Variants in SLC4A10 observed in about 807,000 individuals in gnomAD.
The protein encoded by SLC4A10 is sodium-driven chloride bicarbonate exchanger.
SLC4A10 carries 42 observed loss-of-function variants against 137.7 expected under a neutral mutation model. The observed-to-expected ratio is 0.30, with a 90% confidence interval of 0.24 to 0.39. The LOEUF is 0.39. Ranked by LOEUF, SLC4A10 falls within the 10% of genes least tolerant of loss-of-function variation. The pLI is 1.00. For synonymous variants in SLC4A10, 474 were observed against 464.1 expected (o/e 1.02, Z -0.27); for missense variants, 925 against 1,355.0 (o/e 0.68, Z 4.98).
chr2:161,884,086 C>A lies in SLC4A10; in HGVS notation c.1194+1642C>A, dbSNP rs181561535. On this transcript the variant is annotated intron_variant, in intron 10 of 26. Coordinates refer to ENST00000446997, the MANE Select transcript of SLC4A10 (RefSeq NM_001178015.2). ...ATGAAAAAAATAACTTAATGAGGGC[C>A]ATACACCTGATTTAGCAGAACTCTC... Among the ~76,000 whole-genome samples the A allele has an allele frequency of 5.9e-3, 893 of 152,180 alleles. 8 individuals are homozygous for A. The highest frequency in any genetic ancestry group is 0.014 in the South Asian group (66 of 4,814).
At chr2:161,976,634 CA>C (rs2105986432) in intron 24 of SLC4A10, 125 bp from the exon 25 acceptor site, 1 of 498,752 alleles carries the variant, frequency 2.0e-6, no homozygotes, top group African/African-American at 2.0e-5. Flanking sequence ...TATTTTACCA[CA>C]ATTTAAAAAT....
intron 26 of SLC4A10, among the ~76,000 whole-genome samples, chr2:161,978,694 TTC>T (rs201545687): frequency 2.6e-5 from 4 of 151,144 alleles, no homozygotes; most frequent in Admixed American, 6.6e-5. Flanking sequence ...TGGGAATTAG[TTC>T]TCTCTCTCTC....
chr2:161,903,787 G>T lies in SLC4A10; in HGVS notation c.1443-217G>T, dbSNP rs139753702. ...TGTTTAAGAGAACCTGGGATTTTTG[G>T]TGGTTGACACGATATTGGGTTAGGA... On this transcript the variant is annotated intron_variant, in intron 12 of 26. Transcript: ENST00000446997. Among the ~76,000 whole-genome samples the T allele has an allele frequency of 1.2e-3, 190 of 152,206 alleles. 1 individual carries two copies. The highest frequency in any genetic ancestry group is 4.4e-3 in the African/African-American group (183 of 41,530).
chr2:161,961,070 T>A (rs530478031), intron 21 of SLC4A10, among the ~76,000 whole-genome samples: 105 of 152,344 alleles, frequency 6.9e-4, no homozygotes, highest in Middle Eastern at 3.4e-3. Flanking sequence ...GACTTATTCA[T>A]CATATAGTAT....
At position 161,823,074 on chromosome 2, in the gene SLC4A10, G is replaced by C. The variant is rs545320693; in HGVS notation, c.278-16715G>C. On this transcript the variant is annotated intron_variant, in intron 3 of 26. Coordinates refer to ENST00000446997, the MANE Select transcript of SLC4A10 (RefSeq NM_001178015.2). Reference sequence around the variant, plus strand: ...ATAGCCTAGAAATATAAAAAAATTAGGAAAAAAGTATGTCATGAATGCATA... The same window carrying C: ...ATAGCCTAGAAATATAAAAAAATTACGAAAAAAGTATGTCATGAATGCATA... Among the ~76,000 whole-genome samples the C allele has an allele frequency of 4.6e-5, 7 of 151,918 alleles. No individual in the cohort carries two copies. The South Asian group carries it at 1.5e-3, about 31-fold the overall frequency.
At position 161,983,423 on chromosome 2, in the gene SLC4A10, G is replaced by A; in HGVS notation, c.*271G>A. 1.7e-6 allele frequency: 1 copy of A among 590,026 alleles called. No homozygotes were observed. The allele number at this position is 590,026 out of a possible 1,614,324, so 36.5% of individuals were successfully genotyped here. On this transcript the variant is annotated 3_prime_UTR_variant, in exon 27 of 27. Coordinates refer to ENST00000446997, the MANE Select transcript of SLC4A10 (RefSeq NM_001178015.2). ...AACTTCTGAGCAGTGAGACATCCCT[G>A]TGAGCAGATACAATAGCCAATGCAA...
At chr2:161,973,016 G>A (rs931398249) in intron 23 of SLC4A10, among the ~76,000 whole-genome samples, 1 of 152,190 alleles carries the variant, frequency 6.6e-6, no homozygotes, top group Non-Finnish European at 1.5e-5. Flanking sequence ...AAGGACACTA[G>A]GAAAAGTCTT....
chr2:161,668,001 G>A (rs1205826254), intron 1 of SLC4A10, among the ~76,000 whole-genome samples: 2 of 151,876 alleles, frequency 1.3e-5, no homozygotes, highest in Middle Eastern at 3.4e-3. Context: ...TGACTTTAAA[G>A]GTAGTTTCAG....
intron 1 of SLC4A10, among the ~76,000 whole-genome samples, chr2:161,640,616 C>CCTTT (rs2035151595): frequency 7.2e-6 from 1 of 138,384 alleles, no homozygotes; most frequent in Non-Finnish European, 1.6e-5. Context: ...TTCCTTCCTT[C>CCTTT]CTTCCTTCCT....
At chr2:161,880,018 GA>G in intron 9 of SLC4A10, among the ~76,000 whole-genome samples, 1 of 151,966 alleles carries the variant, frequency 6.6e-6, no homozygotes, top group South Asian at 2.1e-4. Flanking sequence ...AAAAAGAAAG[GA>G]AACACAGAAT....
chr2:161,687,684 A>T (rs2041582352), intron 1 of SLC4A10, among the ~76,000 whole-genome samples: 1 of 152,066 alleles, frequency 6.6e-6, no homozygotes, highest in African/African-American at 2.4e-5. Context: ...AATAATCCCA[A>T]CGTGTCAAGG....
chr2:161,961,048 A>C (rs1187846499), intron 21 of SLC4A10, among the ~76,000 whole-genome samples: 1 of 152,232 alleles, frequency 6.6e-6, no homozygotes, highest in Non-Finnish European at 1.5e-5. Flanking sequence ...TGTTCTTGAA[A>C]AAGAGACTAG....
chr2:161,975,731 G>A (rs1699280605), intron 24 of SLC4A10, among the ~76,000 whole-genome samples: 1 of 152,192 alleles, frequency 6.6e-6, no homozygotes, highest in South Asian at 2.1e-4. Context: ...CATATGAAAA[G>A]GCGGCATTTG....
intron 2 of SLC4A10, among the ~76,000 whole-genome samples, chr2:161,775,811 A>G (rs1219932225): frequency 1.3e-5 from 2 of 151,784 alleles, no homozygotes; most frequent in Non-Finnish European, 2.9e-5. Flanking sequence ...ACGTATGAAC[A>G]TTGTTGTATC....
chr2:161,717,291 C>T (rs1489599788), intron 1 of SLC4A10, among the ~76,000 whole-genome samples: 2 of 152,154 alleles, frequency 1.3e-5, no homozygotes, highest in African/African-American at 4.8e-5. Flanking sequence ...TTATTTATTT[C>T]TCTTTGCCTG....
chr2:161,924,783 G>T (rs1160369655), intron 15 of SLC4A10, among the ~76,000 whole-genome samples: 1 of 152,142 alleles, frequency 6.6e-6, no homozygotes. Flanking sequence ...ACACTACCAG[G>T]AATGGAGTAA....
intron 26 of SLC4A10, 98 bp from the exon 27 acceptor site, chr2:161,983,081 G>A: frequency 9.5e-7 from 1 of 1,049,260 alleles, no homozygotes; most frequent in East Asian, 2.6e-5. Context: ...GGCTCTTGTG[G>A]TGCTTTGGGG....
rs368221386 is a variant in SLC4A10, at chr2:161,897,092, A to C, written c.1341+2267A>C. On this transcript the variant is annotated intron_variant, in intron 11 of 26. Transcript: ENST00000446997. Reference sequence around the variant, plus strand: ...GGAAGATTTTAAAATTATAATTCTTATATTTGTATTGCTTTTTTGTGAATG... The same window carrying C: ...GGAAGATTTTAAAATTATAATTCTTCTATTTGTATTGCTTTTTTGTGAATG... Among the ~76,000 whole-genome samples the C allele has an allele frequency of 7.9e-5, 12 of 152,210 alleles. No homozygotes were observed. The South Asian group carries it at 2.5e-3, about 32-fold the overall frequency.
rs150980306 is a variant in SLC4A10 at position 161,647,292 on chromosome 2, T to G, written c.48+22726T>G. ...CAGATTAATTTCAGGTATTTCAGCC[T>G]GTCAGGGTGATTGTCAAGGAACATA... On this transcript the variant is annotated intron_variant, in intron 1 of 26. Coordinates refer to ENST00000446997, the MANE Select transcript of SLC4A10 (RefSeq NM_001178015.2). Among the ~76,000 whole-genome samples the G allele has an allele frequency of 1.0e-3, 153 of 152,152 alleles. 2 individuals carry two copies. In the East Asian group the frequency reaches 0.022, roughly 22 times the overall value.
Sources: gnomAD v4.1 joint callset for allele counts (sites outside exome capture counted in the v4.1 genomes callset) on GRCh38, gnomAD v4.1.1 for gene constraint, MANE v1.5 for transcripts, NCBI Gene and HGNC (gene_info 2026-07-23, HGNC 2026-07-21) for gene names.